Variants in MSI2 observed in about 807,000 individuals in gnomAD.
MSI2 encodes musashi RNA binding protein 2, also known as RNA-binding protein Musashi homolog 2.
Under a neutral mutation model 45.6 loss-of-function variants are expected in MSI2, and 17 were observed. The observed-to-expected ratio is 0.37, with a 90% CI of 0.26 to 0.56. MSI2 has a LOEUF of 0.56. MSI2 is among the 20% of genes least tolerant of loss of function. The pLI is 0.77. For missense variants in MSI2, 293 were observed against 444.2 expected, an observed-to-expected ratio of 0.66 and a Z score of 3.06; for synonymous variants, 156 against 158.2, an observed-to-expected ratio of 0.99 and a Z score of 0.11.
intron 10 of MSI2, among the ~76,000 whole-genome samples, chr17:57,634,459 C>T (rs1419551946): frequency 6.9e-6 from 1 of 144,884 alleles, no homozygotes; most frequent in Non-Finnish European, 1.5e-5. Flanking sequence ...GAGTGAGACT[C>T]TGTCTCAAAA....
intron 7 of MSI2, among the ~76,000 whole-genome samples, chr17:57,538,574 C>A (rs977305530): frequency 1.3e-5 from 2 of 152,150 alleles, no homozygotes; most frequent in Non-Finnish European, 2.9e-5. Context: ...CCCCACTCCC[C>A]GCAAGTGGAG....
intron 5 of MSI2, among the ~76,000 whole-genome samples, chr17:57,311,222 C>T (rs1197445832): frequency 1.3e-5 from 2 of 152,162 alleles, no homozygotes; most frequent in East Asian, 1.9e-4. Flanking sequence ...GCTGTTGAGA[C>T]CAGTCATGGA....
At chr17:57,295,992 CTTTTTTTTTTTTTT>C (rs386386327) in intron 5 of MSI2, among the ~76,000 whole-genome samples, 707 of 38,668 alleles carry the variant, frequency 0.018, 9 homozygotes, top group African/African-American at 0.045. Flanking sequence ...CGCAGCCTTC[CTTTTTTTTTTTTTT>C]TTTTTTTTTT....
rs557575179 is a variant in MSI2, at chr17:57,646,729, G to A, written c.728-5370G>A. Among the ~76,000 whole-genome samples, 6 of 152,284 alleles carry A rather than the reference G, an allele frequency of 3.9e-5. No individual in the cohort carries two copies. The South Asian group carries it at 1.2e-3, about 32-fold the overall frequency. ...TCCATTCTAGCAAGAATGGGTCTTCGAGTCTGACGCCCATTAAACAAGATG... is the reference window on the plus strand; with the variant it reads ...TCCATTCTAGCAAGAATGGGTCTTCAAGTCTGACGCCCATTAAACAAGATG... On this transcript the variant is annotated intron_variant, in intron 10 of 13. Transcript: ENST00000284073.
chr17:57,558,967 C>A (rs542222944), intron 7 of MSI2, among the ~76,000 whole-genome samples: 1 of 152,036 alleles, frequency 6.6e-6, no homozygotes, highest in Non-Finnish European at 1.5e-5. Flanking sequence ...GAGGCTGAGG[C>A]GGGAGAATCA....
At chr17:57,430,657 A>G (rs912870274) in intron 6 of MSI2, among the ~76,000 whole-genome samples, 1 of 152,058 alleles carries the variant, frequency 6.6e-6, no homozygotes, top group African/African-American at 2.4e-5. Flanking sequence ...CACTCAACAG[A>G]TTCTGTCTGT....
At chr17:57,378,119 C>CT (rs979750274) in intron 5 of MSI2, among the ~76,000 whole-genome samples, 5 of 151,160 alleles carry the variant, frequency 3.3e-5, no homozygotes, top group Non-Finnish European at 4.4e-5. Context: ...TATGGACATT[C>CT]TTTTTTTTGA....
At chr17:57,548,915 C>T (rs974952404) in intron 7 of MSI2, among the ~76,000 whole-genome samples, 5 of 134,330 alleles carry the variant, frequency 3.7e-5, no homozygotes, top group African/African-American at 8.1e-5. Context: ...CCCACCCCCC[C>T]GCCAAAAAAA....
chr17:57,578,371 C>T (rs2088107342), intron 7 of MSI2, among the ~76,000 whole-genome samples: 1 of 152,072 alleles, frequency 6.6e-6, no homozygotes, highest in African/African-American at 2.4e-5. Flanking sequence ...TTAAATTATC[C>T]ACCCTTTCTC....
intron 6 of MSI2, among the ~76,000 whole-genome samples, chr17:57,502,602 G>GATATATATATAT (rs57142800): frequency 0.01 from 548 of 54,324 alleles, 25 homozygotes; most frequent in South Asian, 0.013. Context: ...ATGACTCTGA[G>GATATATATATAT]ATATATATAT....
At chr17:57,428,100 A>G (rs1020294783) in intron 6 of MSI2, among the ~76,000 whole-genome samples, 1 of 152,218 alleles carries the variant, frequency 6.6e-6, no homozygotes, top group Non-Finnish European at 1.5e-5. Context: ...CAGTGCTTTG[A>G]TATACATGTT....
intron 5 of MSI2, chr17:57,285,885 T>A (rs1421289627): frequency 1.3e-6 from 2 of 1,528,522 alleles, no homozygotes. Context: ...GGTGTTTAGA[T>A]GATGAGGGGT....
intron 11 of MSI2, among the ~76,000 whole-genome samples, chr17:57,662,941 T>C (rs1336725680): frequency 6.6e-6 from 1 of 152,226 alleles, no homozygotes; most frequent in Non-Finnish European, 1.5e-5. Flanking sequence ...AGGGAACCTT[T>C]AGCTGAAACA....
chr17:57,513,435 T>C (rs533356999), intron 6 of MSI2, among the ~76,000 whole-genome samples: 1 of 152,332 alleles, frequency 6.6e-6, no homozygotes, highest in South Asian at 2.1e-4. Context: ...CTAGAGTTTC[T>C]GGCCTCTCCC....
chr17:57,621,339 A>G (rs1908275069), intron 9 of MSI2, among the ~76,000 whole-genome samples: 1 of 152,272 alleles, frequency 6.6e-6, no homozygotes, highest in African/African-American at 2.4e-5. Flanking sequence ...CGAGGTTTCC[A>G]TGATTTAAAC....
intron 7 of MSI2, among the ~76,000 whole-genome samples, chr17:57,549,693 T>A (rs1353901887): frequency 1.3e-5 from 2 of 152,002 alleles, no homozygotes; most frequent in African/African-American, 4.8e-5. Flanking sequence ...CTCAGAGAGG[T>A]TAAGTAACTT....
intron 6 of MSI2, among the ~76,000 whole-genome samples, chr17:57,527,467 C>A (rs2332930): frequency 6.6e-6 from 1 of 152,052 alleles, no homozygotes; most frequent in Non-Finnish European, 1.5e-5. Flanking sequence ...TTACCGTCGG[C>A]GGGGGCTCTT....
At chr17:57,389,588 G>A (rs1291348325) in intron 5 of MSI2, among the ~76,000 whole-genome samples, 1 of 152,194 alleles carries the variant, frequency 6.6e-6, no homozygotes, top group Non-Finnish European at 1.5e-5. Flanking sequence ...GCAGAGATGA[G>A]GTCTCATGCA....
chr17:57,315,708 G>C (rs572703199), intron 5 of MSI2, among the ~76,000 whole-genome samples: 4 of 152,198 alleles, frequency 2.6e-5, no homozygotes, highest in Admixed American at 6.5e-5. Flanking sequence ...CCAGTTTAGC[G>C]GCGAGACTTG....
Sources: allele counts gnomAD v4.1 joint callset (sites outside exome capture counted in the v4.1 genomes callset), GRCh38; gene constraint gnomAD v4.1.1; transcripts MANE v1.5; gene names NCBI Gene and HGNC (gene_info 2026-07-23, HGNC 2026-07-21).